The following KIF26A variants were observed in gnomAD, a reference collection of about 807,000 sequenced individuals.
KIF26A encodes the protein kinesin family member 26A.
Under a neutral mutation model 126.0 loss-of-function variants are expected in KIF26A, and 74 were observed. That is an observed-to-expected ratio of 0.59 (90% CI 0.49 to 0.71). KIF26A has a LOEUF of 0.71. Among genes scored for constraint, KIF26A ranks in the 30% least tolerant of loss-of-function variants. The pLI, the probability that KIF26A is intolerant of heterozygous loss-of-function variation, is 0.00. For missense variants in KIF26A, 2,984 were observed against 2,763.3 expected, an observed-to-expected ratio of 1.08 and a Z score of -1.79; for synonymous variants, 1,445 against 1,232.7, an observed-to-expected ratio of 1.17 and a Z score of -3.61.
chr14:104,177,189 G>A lies in KIF26A; in HGVS notation c.4401G>A (p.Val1467=). The A allele has an allele frequency of 6.3e-7, 1 of 1,594,710 alleles. No homozygotes were observed. The highest frequency in any genetic ancestry group is 1.3e-5 in the African/African-American group (1 of 74,910). ...RPPRAVPKLG[V]PPSSPTHGPA... ...CCCGGGCTGTACCCAAGCTGGGTGTGCCACCCTCCAGCCCCACACACGGTC... is the reference window on the plus strand; with the variant it reads ...CCCGGGCTGTACCCAAGCTGGGTGTACCACCCTCCAGCCCCACACACGGTC... Residue 1467 remains valine (V), a synonymous_variant, in exon 12 of 15, where the codon GTG becomes GTA. Transcript: ENST00000423312.
At chr14:104,155,603 G>A (rs1414034802) in intron 3 of KIF26A, among the ~76,000 whole-genome samples, 2 of 152,002 alleles carry the variant, frequency 1.3e-5, no homozygotes, top group Non-Finnish European at 1.5e-5. Flanking sequence ...CCCGGCTCTC[G>A]CTTTGCCAGA....
Position 104,177,464 on chromosome 14 carries a change from C to T in KIF26A, c.4676C>T (p.Ala1559Val), listed in dbSNP as rs200958438. Reference protein sequence around the residue: ...GRGTVMGTKQALRAAHSRVHE... With the variant: ...GRGTVMGTKQVLRAAHSRVHE... ...GGTACCGTCATGGGCACAAAGCAGG[C>T]GCTCCGGGCTGCTCACAGCCGCGTC... is the stretch of plus-strand genomic sequence containing the variant. The change falls in exon 12 of 15, where the codon GCG becomes GTG. Residue 1559 changes from alanine to valine, a missense_variant. Coordinates refer to ENST00000423312, the MANE Select transcript of KIF26A (RefSeq NM_015656.2). The T allele has an allele frequency of 2.2e-3, 3,399 of 1,528,980 alleles. 6 individuals are homozygous for T. Among genetic ancestry groups the T allele is most frequent in the Non-Finnish European group, 2.8e-3 (3,256 of 1,142,848 alleles). 94.7% of individuals were successfully genotyped at this position (1,528,980 alleles called of 1,614,324 possible).
chr14:104,156,035 G>A (rs946638925), intron 3 of KIF26A, among the ~76,000 whole-genome samples: 2 of 152,154 alleles, frequency 1.3e-5, no homozygotes, highest in African/African-American at 4.8e-5. Flanking sequence ...GTGCCATCGC[G>A]ACGAGCCACC....
Position 104,152,249 on chromosome 14 carries a change from G to A in KIF26A, c.523G>A (p.Gly175Arg), listed in dbSNP as rs1238575952. 35 of 1,596,186 alleles carry A rather than the reference G, an allele frequency of 2.2e-5. No individual in the cohort carries two copies. Among genetic ancestry groups the A allele is most frequent in the Non-Finnish European group, 2.9e-5 (34 of 1,173,636 alleles). ...STTTSSRDTP[G>R]PAGPAGRQPG... ...CACGACCAGCTCGAGGGACACGCCAGGACCAGCGGGTCCTGCAGGGAGGCA... is the reference window on the plus strand; with the variant it reads ...CACGACCAGCTCGAGGGACACGCCAAGACCAGCGGGTCCTGCAGGGAGGCA... The change falls in exon 3 of 15, where the codon GGA (glycine) becomes AGA (arginine). Residue 175 changes from glycine (G) to arginine (R), a missense_variant. Physicochemically the swap from Gly to Arg is moderately radical, Grantham distance 125. Transcript: ENST00000423312. This position sits in a 1 kb window ranked among gnomAD's most constrained non-coding sequence, Gnocchi z 5.9.
chr14:104,168,290 G>A (rs761105648), intron 5 of KIF26A, among the ~76,000 whole-genome samples: 25 of 152,202 alleles, frequency 1.6e-4, no homozygotes, highest in Non-Finnish European at 3.5e-4. Flanking sequence ...GCTGGGGGCT[G>A]TGCCCCCTGC....
At chr14:104,149,161 G>A (rs1041824085) in intron 2 of KIF26A, among the ~76,000 whole-genome samples, 8 of 152,206 alleles carry the variant, frequency 5.3e-5, no homozygotes, top group Non-Finnish European at 5.9e-5. Context: ...GGCCGGTCTC[G>A]CATAAGTGAC....
chr14:104,156,806 A>G (rs73358286), intron 3 of KIF26A, among the ~76,000 whole-genome samples: 1 of 152,172 alleles, frequency 6.6e-6, no homozygotes. Flanking sequence ...AGACCAGCCC[A>G]CGTCCCCTCA....
Position 104,179,378 on chromosome 14 carries a change from T to G in KIF26A, c.5459T>G (p.Leu1820Arg), listed in dbSNP as rs749618445. 1.3e-6 allele frequency: 2 copies of G among 1,521,364 alleles called. No homozygotes were observed. Among genetic ancestry groups the G allele is most frequent in the South Asian group, 1.2e-5 (1 of 80,022 alleles). The allele number at this position is 1,521,364 out of a possible 1,614,324, so 94.2% of individuals were successfully genotyped here. A position where few individuals can be genotyped will look rare whatever the true frequency, so the allele number is the denominator to read the frequency against. ...CTGATGCTGGAGCCTGGCCGCTGGC[T>G]GGAGCAGTGTGAGTCCCGCCCGCCC... ...GRLMLEPGRW[L>R]EQFEVDPELE... The change falls in exon 14 of 15, where the codon CTG (leucine) becomes CGG (arginine). Residue 1820 changes from leucine (L) to arginine (R), a missense_variant. Physicochemically the swap from Leu to Arg is moderately radical, Grantham distance 102. Coordinates refer to ENST00000423312, the MANE Select transcript of KIF26A (RefSeq NM_015656.2).
intron 4 of KIF26A, among the ~76,000 whole-genome samples, chr14:104,160,065 G>C (rs2037819242): frequency 6.6e-6 from 1 of 152,134 alleles, no homozygotes; most frequent in Non-Finnish European, 1.5e-5. Flanking sequence ...ACTGACCCCA[G>C]CCCCTGCTCT....
intron 2 of KIF26A, among the ~76,000 whole-genome samples, chr14:104,149,143 T>A (rs939243877): frequency 2.6e-5 from 4 of 152,302 alleles, no homozygotes; most frequent in African/African-American, 9.6e-5. Flanking sequence ...TCTTGCTGTG[T>A]TGCCCTAGGC....
At position 104,168,954 on chromosome 14, in the gene KIF26A, G is replaced by A. The variant is rs34165501; in HGVS notation, c.1113+1906G>A. The stretch of plus-strand genomic sequence containing the variant: ...CCTAGCACTGCTGGGGGTCTGCGGG[G>A]AACAAGGGGGCTCCTGATCTCTGTG... On this transcript the variant is annotated intron_variant, in intron 5 of 14. Coordinates refer to ENST00000423312, the MANE Select transcript of KIF26A (RefSeq NM_015656.2). 2.4e-3 allele frequency among the ~76,000 whole-genome samples: 368 copies of A among 152,274 alleles called. 3 individuals are homozygous for A. Among genetic ancestry groups the A allele is most frequent in the Non-Finnish European group, 3.9e-3 (265 of 67,996 alleles).
chr14:104,164,154 G>T (rs1387214827), intron 4 of KIF26A, among the ~76,000 whole-genome samples: 1 of 152,200 alleles, frequency 6.6e-6, no homozygotes, highest in East Asian at 1.9e-4. Flanking sequence ...CGCCGCAGTG[G>T]GGGCAGCGAG....
In KIF26A at chr14:104,151,431, G is replaced by A. The variant is rs1458130003; in HGVS notation, c.289-584G>A. ...GGCCCTGGGCTGTACCCGATCCTGC[G>A]GCTCTTGCGCCCCTTCGGTGAGCTC... On this transcript the variant is annotated intron_variant, in intron 2 of 14. Transcript: ENST00000423312. The surrounding 1 kb of genome is among the most constrained non-coding windows in gnomAD (Gnocchi z 4.9). Among the ~76,000 whole-genome samples, 1 of 152,224 alleles carries A rather than the reference G, an allele frequency of 6.6e-6. No individual in the cohort carries two copies. Among genetic ancestry groups the A allele is most frequent in the Non-Finnish European group, 1.5e-5 (1 of 68,040 alleles).
chr14:104,166,134 G>C (rs1335584895), intron 4 of KIF26A, among the ~76,000 whole-genome samples: 4 of 152,024 alleles, frequency 2.6e-5, no homozygotes, highest in Non-Finnish European at 5.9e-5. Context: ...GAGGGGCAGG[G>C]TGGCAGCGGG....
At chr14:104,165,585 CTG>C (rs149967291) in intron 4 of KIF26A, among the ~76,000 whole-genome samples, 13,913 of 140,140 alleles carry the variant, frequency 0.099, 882 homozygotes, top group Middle Eastern at 0.2. Flanking sequence ...ATGTGTGTGT[CTG>C]TGTGTCTATG....
chr14:104,178,564 C>T lies in KIF26A; in HGVS notation c.5125C>T (p.Arg1709Cys), dbSNP rs375944046. ...CTCCGTTCCAGGTCTGCAGCGGCGG[C>T]GCCTGATTCCCGCCCCACTGCCCGA... ...KKRATGLQRR[R>C]LIPAPLPDTT... The change falls in exon 13 of 15, where the codon CGC becomes TGC. Residue 1709 changes from arginine (R) to cysteine (C), a missense_variant. Physicochemically the swap from Arg to Cys is radical, Grantham distance 180. Coordinates refer to ENST00000423312, the MANE Select transcript of KIF26A (RefSeq NM_015656.2). 4.7e-5 allele frequency: 70 copies of T among 1,475,636 alleles called. 1 individual carries two copies. The highest frequency in any genetic ancestry group is 1.2e-4 in the Admixed American group (5 of 40,580). The allele number at this position is 1,475,636 out of a possible 1,614,324, so 91.4% of individuals were successfully genotyped here.
rs764321784 is a variant in KIF26A, at chr14:104,157,736, A to G, written c.736-19A>G. ...CTCTGCCCTTGCGTTCCTTATACGC[A>G]CTCTCTCCTTCCCTCCAGGCCGAGG... is the stretch of plus-strand genomic sequence containing the variant. On this transcript the variant is annotated intron_variant, in intron 3 of 14. Coordinates refer to ENST00000423312, the MANE Select transcript of KIF26A (RefSeq NM_015656.2). 3 of 1,605,912 alleles carry G rather than the reference A, an allele frequency of 1.9e-6. No homozygotes were observed. Among genetic ancestry groups the G allele is most frequent in the Non-Finnish European group, 2.5e-6 (3 of 1,177,228 alleles).
In KIF26A at chr14:104,151,696, A is replaced by T. The variant is rs1869099454; in HGVS notation, c.289-319A>T. The stretch of plus-strand genomic sequence containing the variant: ...GCCAGTCTCCTGCGTGTCCCCGGCC[A>T]GGCGGCCTTAGCTGACAGTGGTCCG... On this transcript the variant is annotated intron_variant, in intron 2 of 14. Transcript: ENST00000423312. This position sits in a 1 kb window ranked among gnomAD's most constrained non-coding sequence, Gnocchi z 4.9. 6.6e-6 allele frequency among the ~76,000 whole-genome samples: 1 copy of T among 152,208 alleles called. No individual in the cohort carries two copies. Among genetic ancestry groups the T allele is most frequent in the African/African-American group, 2.4e-5 (1 of 41,466 alleles).
chr14:104,163,957 C>T (rs2037856521), intron 4 of KIF26A, among the ~76,000 whole-genome samples: 1 of 152,140 alleles, frequency 6.6e-6, no homozygotes, highest in Admixed American at 6.5e-5. Flanking sequence ...TCCCCCGGCT[C>T]CACGTCTTGC....
Sources: allele counts gnomAD v4.1 joint callset (sites outside exome capture counted in the v4.1 genomes callset), GRCh38; gene constraint gnomAD v4.1.1; non-coding constraint Gnocchi (gnomAD v3.1); transcripts MANE v1.5; gene names NCBI Gene and HGNC (gene_info 2026-07-23, HGNC 2026-07-21).